The following GIPR variants were observed in gnomAD, a reference collection of about 807,000 sequenced individuals.
GIPR encodes the protein GIP-R.
GIPR carries 74 observed loss-of-function variants against 62.2 expected under a neutral mutation model. That is an observed-to-expected ratio of 1.19 (90% confidence interval 0.99 to 1.44). GIPR has a LOEUF of 1.44. Ranked by LOEUF, GIPR falls within the 40% of genes most tolerant of loss-of-function variation. The pLI, the probability that GIPR is intolerant of heterozygous loss-of-function variation, is 0.00. For synonymous variants in GIPR, 256 were observed against 262.2 expected (o/e 0.98, Z 0.23); for missense variants, 664 against 611.8 (o/e 1.09, Z -0.90).
chr19:45,669,395 T>A (rs1335981803), intron 1 of GIPR, 82 bp from the exon 2 acceptor site: 2 of 1,355,406 alleles, frequency 1.5e-6, no homozygotes, highest in Non-Finnish European at 2.0e-6. Context: ...CGTCTGCCCC[T>A]GTGTGTGAAT....
intron 12 of GIPR, chr19:45,678,442 C>T: frequency 1.6e-6 from 1 of 612,000 alleles, no homozygotes; most frequent in Admixed American, 2.7e-5. Flanking sequence ...CGGTTCATTG[C>T]AGCCTCTGAC....
At chr19:45,670,782 G>A in intron 3 of GIPR, 48 bp downstream of exon 3, 1 of 1,165,632 alleles carries the variant, frequency 8.6e-7, no homozygotes, top group Non-Finnish European at 1.3e-6. Context: ...AGGCTGAGAG[G>A]GGTGGGCTTG....
chr19:45,681,975 A>G lies in GIPR; in HGVS notation c.*40A>G. On this transcript the variant is annotated 3_prime_UTR_variant, in exon 14 of 14. Transcript: ENST00000590918. Reference sequence around the variant, plus strand: ...GTGTCTGTTCAGTTAGCATGGATTTATTGAGTGCCAACTGCGTGCCAGGCC... The same window carrying G: ...GTGTCTGTTCAGTTAGCATGGATTTGTTGAGTGCCAACTGCGTGCCAGGCC... 4.0e-6 allele frequency: 6 copies of G among 1,498,964 alleles called. No homozygotes were observed. The highest frequency in any genetic ancestry group is 5.5e-6 in the Non-Finnish European group (6 of 1,099,358). The allele number at this position is 1,498,964 out of a possible 1,614,324, so 92.9% of individuals were successfully genotyped here.
In GIPR at chr19:45,668,959, G is replaced by A. The variant is rs188346712; in HGVS notation, c.-44-518G>A. Among the ~76,000 whole-genome samples the A allele has an allele frequency of 4.8e-4, 73 of 152,272 alleles. 1 individual carries two copies. Among genetic ancestry groups the A allele is most frequent in the African/African-American group, 1.6e-3 (67 of 41,568 alleles). ...TTGGAGAGTGGGAGCTCGGATGGGC[G>A]TTTCAAGTTCTCCACCAGGCTGTGG... is the stretch of plus-strand genomic sequence containing the variant. On this transcript the variant is annotated intron_variant, in intron 1 of 13. Coordinates refer to ENST00000590918, the MANE Select transcript of GIPR (RefSeq NM_000164.4).
At chr19:45,675,948 G>A (rs1975829863) in intron 7 of GIPR, among the ~76,000 whole-genome samples, 1 of 152,022 alleles carries the variant, frequency 6.6e-6, no homozygotes, top group Admixed American at 6.6e-5. Context: ...GCTCATGCCT[G>A]TAATCCAAGC....
intron 2 of GIPR, among the ~76,000 whole-genome samples, chr19:45,669,970 C>A (rs974189355): frequency 6.6e-6 from 1 of 151,500 alleles, no homozygotes; most frequent in Non-Finnish European, 1.5e-5. Flanking sequence ...GGGAGGCTTC[C>A]CTCAGCGCAA....
At chr19:45,671,867 C>T (rs988678987) in intron 4 of GIPR, among the ~76,000 whole-genome samples, 1 of 151,816 alleles carries the variant, frequency 6.6e-6, no homozygotes, top group Non-Finnish European at 1.5e-5. Context: ...AGTGATCCGC[C>T]GGCCTTGGCT....
intron 9 of GIPR, 70 bp from the exon 10 acceptor site, chr19:45,677,640 G>A (rs938827621): frequency 4.8e-6 from 6 of 1,248,568 alleles, no homozygotes; most frequent in African/African-American, 2.9e-5. Context: ...GGGGCCTAGC[G>A]AGCAAATGAG....
At chr19:45,675,347 C>G (rs987713239) in intron 7 of GIPR, 1 of 157,434 alleles carries the variant, frequency 6.4e-6, no homozygotes, top group Non-Finnish European at 1.4e-5. Flanking sequence ...GAGGCCAAGA[C>G]GGGCAGATCA....
chr19:45,676,547 C>A (rs1966932197), intron 7 of GIPR, among the ~76,000 whole-genome samples: 1 of 149,040 alleles, frequency 6.7e-6, no homozygotes, highest in Admixed American at 6.8e-5. Flanking sequence ...GATTCTCCTG[C>A]ATCAGCTTCC....
chr19:45,681,498 A>G, intron 12 of GIPR, 106 bp from the exon 13 acceptor site: 1 of 1,051,614 alleles, frequency 9.5e-7, no homozygotes, highest in African/African-American at 1.6e-5. Flanking sequence ...TCCGACTCTT[A>G]AAAACAAACA....
intron 5 of GIPR, among the ~76,000 whole-genome samples, 172 bp from the exon 6 acceptor site, chr19:45,673,902 C>G (rs984927796): frequency 6.6e-6 from 1 of 152,052 alleles, no homozygotes; most frequent in Admixed American, 6.6e-5. Context: ...TCACATGCCT[C>G]GTGCCCTGGA....
rs766120138 is a variant in GIPR at position 45,674,992 on chromosome 19, A to C, written c.633+166A>C. 6.6e-6 allele frequency: 4 copies of C among 606,582 alleles called. No homozygotes were observed. In the Admixed American group the frequency reaches 7.8e-5, roughly 12 times the overall value. 37.6% of individuals were successfully genotyped at this position (606,582 alleles called of 1,614,324 possible). A position where few individuals can be genotyped will look rare whatever the true frequency, so the allele number is the denominator to read the frequency against. ...GTGGGGGATCAAGACACATTTGGAGAGGGAACCTCCCAACTCGGCCTCTGC... is the reference window on the plus strand; with the variant it reads ...GTGGGGGATCAAGACACATTTGGAGCGGGAACCTCCCAACTCGGCCTCTGC... On this transcript the variant is annotated intron_variant, in intron 7 of 13. Transcript: ENST00000590918.
In GIPR at chr19:45,681,878, G is replaced by C. The variant is rs1967263576; in HGVS notation, c.1344G>C (p.Ser448=). The change falls in exon 14 of 14, where the codon TCG becomes TCC. Residue 448 remains serine (S), a synonymous_variant. Coordinates refer to ENST00000590918, the MANE Select transcript of GIPR (RefSeq NM_000164.4). ...GEVPTSRGLS[S]GTLPGPGNEA... ...TCCCCACCAGCCGCGGCTTGTCCTC[G>C]GGGACCCTCCCAGGGCCTGGGAATG... The C allele has an allele frequency of 3.9e-6, 6 of 1,556,408 alleles. No individual in the cohort carries two copies. Among genetic ancestry groups the C allele is most frequent in the Non-Finnish European group, 5.2e-6 (6 of 1,149,638 alleles).
intron 8 of GIPR, 65 bp downstream of exon 8, chr19:45,677,173 G>T: frequency 1.3e-6 from 2 of 1,561,584 alleles, no homozygotes; most frequent in Non-Finnish European, 1.8e-6. Context: ...CAACTGCCCT[G>T]CTGGTTGGCC....
At chr19:45,678,560 A>G (rs1967077328) in intron 12 of GIPR, among the ~76,000 whole-genome samples, 2 of 151,820 alleles carry the variant, frequency 1.3e-5, no homozygotes, top group African/African-American at 4.8e-5. Context: ...GCGGGGTTTC[A>G]CCATGTTGGC....
At chr19:45,677,154 C>T in intron 8 of GIPR, 46 bp downstream of exon 8, 1 of 1,599,980 alleles carries the variant, frequency 6.3e-7, no homozygotes, top group Non-Finnish European at 8.5e-7. Context: ...CGCCTCTCCT[C>T]GGCTCCCCCA....
At position 45,674,745 on chromosome 19, in the gene GIPR, T is replaced by G. The variant is rs1199294042; in HGVS notation, c.552T>G (p.Ala184=). The change falls in exon 7 of 14, where the codon GCT becomes GCG. Residue 184 remains alanine (A), a synonymous_variant. Transcript: ENST00000590918. Reference sequence around the variant, plus strand: ...TGTTCACGTCTTTCATGCTGCGAGCTGCGGCCATTCTCAGCCGAGACCGTC... The same window carrying G: ...TGTTCACGTCTTTCATGCTGCGAGCGGCGGCCATTCTCAGCCGAGACCGTC... ...INLFTSFMLR[A]AAILSRDRLL... is the part of the protein sequence containing the mutation. The G allele has an allele frequency of 1.2e-6, 2 of 1,613,834 alleles. No homozygotes were observed. The highest frequency in any genetic ancestry group is 1.7e-6 in the Non-Finnish European group (2 of 1,179,788).
At chr19:45,673,042 G>A (rs2146076984) in intron 5 of GIPR, 88 bp downstream of exon 5, 2 of 800,642 alleles carry the variant, frequency 2.5e-6, no homozygotes, top group African/African-American at 1.7e-5. Context: ...CCCTTGGACT[G>A]TTCAGACCTC....
Sources: allele counts gnomAD v4.1 joint callset (sites outside exome capture counted in the v4.1 genomes callset), GRCh38; gene constraint gnomAD v4.1.1; transcripts MANE v1.5; gene names NCBI Gene and HGNC (gene_info 2026-07-23, HGNC 2026-07-21).